The following KIF16B variants were observed in gnomAD, a reference collection of about 807,000 sequenced individuals.
The protein encoded by KIF16B is kinesin-like protein KIF16B.
A neutral mutation model predicts 156.3 loss-of-function variants in KIF16B; 98 were observed. The observed-to-expected ratio is 0.63, with a 90% CI of 0.53 to 0.74. The LOEUF (loss-of-function observed/expected upper bound fraction) is 0.74. KIF16B is among the 30% of genes least tolerant of loss of function. The pLI is 0.00. For missense variants in KIF16B, 1,421 were observed against 1,606.5 expected (o/e 0.88, Z 1.97); for synonymous variants, 564 against 583.7 (o/e 0.97, Z 0.49).
intron 25 of KIF16B, among the ~76,000 whole-genome samples, chr20:16,289,874 A>G (rs547877178): frequency 6.6e-6 from 1 of 152,214 alleles, no homozygotes; most frequent in African/African-American, 2.4e-5. Flanking sequence ...GTGTTAAAAC[A>G]AAGAAGAGTA....
chr20:16,505,825 A>C lies in KIF16B; in HGVS notation c.897T>G (p.Thr299=), dbSNP rs1187307640. 6.2e-7 allele frequency: 1 copy of C among 1,613,878 alleles called. No individual in the cohort carries two copies. Among genetic ancestry groups the C allele is most frequent in the East Asian group, 2.2e-5 (1 of 44,876 alleles). ...CGAAAACTTGCTTCTTCTTTGCAAG[A>C]GTATTTGCAGCATCCTGAGATAAAT... ...LADLSQDAAN[T]LAKKKQVFVP... The change falls in exon 9 of 26, where the codon ACT becomes ACG. Residue 299 remains threonine (T), a synonymous_variant. Transcript: ENST00000354981.
intron 17 of KIF16B, among the ~76,000 whole-genome samples, chr20:16,384,438 C>G (rs1600257217): frequency 2.0e-5 from 3 of 152,216 alleles, no homozygotes; most frequent in Middle Eastern, 3.4e-3. Flanking sequence ...TCAAGGAAAG[C>G]TAATAAAATC....
rs1487874143 is a variant in KIF16B, at chr20:16,505,862, AG to A, written c.869-10del. Reference sequence around the variant, plus strand: ...ATCCTGAGATAAATCAGCTATGAAAAGGAAGAAACAAAGGGGAGAAAGGACA... The same window carrying A: ...ATCCTGAGATAAATCAGCTATGAAAAGAAGAAACAAAGGGGAGAAAGGACA... On this transcript the variant is annotated splice_polypyrimidine_tract_variant and intron_variant, in intron 8 of 25. Coordinates refer to ENST00000354981, the MANE Select transcript of KIF16B (RefSeq NM_024704.5). 4 of 1,613,366 alleles carry A rather than the reference AG, an allele frequency of 2.5e-6. No individual in the cohort carries two copies. Among genetic ancestry groups the A allele is most frequent in the Non-Finnish European group, 3.4e-6 (4 of 1,179,774 alleles).
At position 16,368,649 on chromosome 20, in the gene KIF16B, G is replaced by A. The variant is rs568196417; in HGVS notation, c.3498+1937C>T. The A allele has an allele frequency of 8.3e-5, 82 of 985,928 alleles. No individual in the cohort carries two copies. In the South Asian group the frequency reaches 3.6e-3, roughly 43 times the overall value. 61.1% of individuals were successfully genotyped at this position (985,928 alleles called of 1,614,324 possible). ...TGATATTTACCAGTGACTCCGATGA[G>A]CTCATTTTTTTAGCATCCAACTCTT... On this transcript the variant is annotated intron_variant, in intron 22 of 25. Transcript: ENST00000354981.
chr20:16,368,054 A>AG (rs2064721678), intron 22 of KIF16B: 1 of 1,372,784 alleles, frequency 7.3e-7, no homozygotes, highest in Non-Finnish European at 9.4e-7. Flanking sequence ...GGTGCTGTGC[A>AG]GGCAGCAACA....
chr20:16,525,991 T>C, intron 3 of KIF16B, 101 bp downstream of exon 3: 1 of 639,426 alleles, frequency 1.6e-6, no homozygotes, highest in Non-Finnish European at 2.6e-6. Flanking sequence ...AAAATTACAT[T>C]CAGAAAGAAA....
Position 16,273,178 on chromosome 20 carries a change from G to C in KIF16B, c.*75C>G. 7.7e-7 allele frequency: 1 copy of C among 1,306,068 alleles called. No homozygotes were observed. Among genetic ancestry groups the C allele is most frequent in the Non-Finnish European group, 1.1e-6 (1 of 911,070 alleles). The allele number at this position is 1,306,068 out of a possible 1,614,324, so 80.9% of individuals were successfully genotyped here. On this transcript the variant is annotated 3_prime_UTR_variant, in exon 26 of 26. Transcript: ENST00000354981. ...AGGAGGCAGACCCGGATCCTCGCATGGGGGAGCTGCCCTGCATCGGAGCCC... is the reference window on the plus strand; with the variant it reads ...AGGAGGCAGACCCGGATCCTCGCATCGGGGAGCTGCCCTGCATCGGAGCCC...
At chr20:16,524,149 G>A (rs958624271) in intron 3 of KIF16B, among the ~76,000 whole-genome samples, 1 of 152,096 alleles carries the variant, frequency 6.6e-6, no homozygotes, top group Non-Finnish European at 1.5e-5. Context: ...AAAAGCAATG[G>A]CAACAAAAGC....
rs568634656 is a variant in KIF16B, at chr20:16,434,254, G to T, written c.1303-4272C>A. Among the ~76,000 whole-genome samples the T allele has an allele frequency of 2.0e-5, 3 of 152,264 alleles. No homozygotes were observed. The South Asian group carries it at 6.2e-4, about 32-fold the overall frequency. ...CTGGGACTCTCACAGACTCACTTCTGCCCCTTCCGGTGGCTCTGGTGATTG... is the reference window on the plus strand; with the variant it reads ...CTGGGACTCTCACAGACTCACTTCTTCCCCTTCCGGTGGCTCTGGTGATTG... On this transcript the variant is annotated intron_variant, in intron 12 of 25. Transcript: ENST00000354981.
intron 1 of KIF16B, among the ~76,000 whole-genome samples, chr20:16,535,930 G>C (rs2069942834): frequency 6.6e-6 from 1 of 152,240 alleles, no homozygotes; most frequent in South Asian, 2.1e-4. Context: ...ACAGAATGGA[G>C]ATTTCTTTAA....
chr20:16,306,012 C>T (rs1307565154), intron 25 of KIF16B, among the ~76,000 whole-genome samples: 3 of 152,176 alleles, frequency 2.0e-5, no homozygotes, highest in Admixed American at 2.0e-4. Flanking sequence ...TTAATACACT[C>T]AATCAGAGAA....
At position 16,370,673 on chromosome 20, in the gene KIF16B, T is replaced by C. The variant is rs762322410; in HGVS notation, c.3448-37A>G. ...AGAAAAAGCCCTCTATATTAAATTATAGCAAGTTCACGGGGCGGGGGACTG... is the reference window on the plus strand; with the variant it reads ...AGAAAAAGCCCTCTATATTAAATTACAGCAAGTTCACGGGGCGGGGGACTG... On this transcript the variant is annotated intron_variant, in intron 21 of 25. Transcript: ENST00000354981. 3.9e-6 allele frequency: 6 copies of C among 1,525,304 alleles called. No homozygotes were observed. In the East Asian group the frequency reaches 7.0e-5, roughly 18 times the overall value. The allele number at this position is 1,525,304 out of a possible 1,614,324, so 94.5% of individuals were successfully genotyped here.
chr20:16,394,268 A>G (rs1408489027), intron 17 of KIF16B, among the ~76,000 whole-genome samples: 1 of 152,210 alleles, frequency 6.6e-6, no homozygotes, highest in Non-Finnish European at 1.5e-5. Flanking sequence ...TGAATTTAAG[A>G]GCTCATCTCC....
At chr20:16,375,474 G>T (rs2064925057) in intron 19 of KIF16B, among the ~76,000 whole-genome samples, 1 of 152,108 alleles carries the variant, frequency 6.6e-6, no homozygotes, top group African/African-American at 2.4e-5. Context: ...GGTCATGAGG[G>T]TAAGCACTCA....
chr20:16,573,341 T>C lies in KIF16B; in HGVS notation c.-66A>G, dbSNP rs2071528264. ...AGAACTCCGCGGTCGCCGGCGACGC[T>C]GGCTACTCAGATCGCGGCTCCCGCC... On this transcript the variant is annotated 5_prime_UTR_variant, in exon 1 of 26. Transcript: ENST00000354981. The C allele has an allele frequency of 1.9e-6, 3 of 1,551,592 alleles. No individual in the cohort carries two copies. The highest frequency in any genetic ancestry group is 2.3e-5 in the East Asian group (1 of 43,548).
chr20:16,352,173 A>G (rs1460026260), intron 23 of KIF16B, among the ~76,000 whole-genome samples: 1 of 152,224 alleles, frequency 6.6e-6, no homozygotes, highest in Non-Finnish European at 1.5e-5. Context: ...CAAAGTTCCA[A>G]GTCCTGACCA....
At chr20:16,296,508 GCTA>G (rs769449104) in intron 25 of KIF16B, among the ~76,000 whole-genome samples, 6 of 152,180 alleles carry the variant, frequency 3.9e-5, no homozygotes, top group Non-Finnish European at 5.9e-5. Context: ...GTCGTTCTGT[GCTA>G]CTTTCTTCTG....
chr20:16,404,688 G>A lies in KIF16B; in HGVS notation c.1784+125C>T, dbSNP rs76419180. ...GCTGGAAAGGAACTCGGAAAATGACGGTGGCTGATTTGATAAGGAGGCGCC... is the reference window on the plus strand; with the variant it reads ...GCTGGAAAGGAACTCGGAAAATGACAGTGGCTGATTTGATAAGGAGGCGCC... On this transcript the variant is annotated intron_variant, in intron 17 of 25. Transcript: ENST00000354981. 2.1e-3 allele frequency: 1,413 copies of A among 666,430 alleles called. 23 individuals carry two copies. In the African/African-American group the frequency reaches 0.023, roughly 11 times the overall value. The allele number at this position is 666,430 out of a possible 1,614,324, so 41.3% of individuals were successfully genotyped here.
intron 25 of KIF16B, among the ~76,000 whole-genome samples, chr20:16,295,258 G>C (rs1002243447): frequency 6.6e-6 from 1 of 152,166 alleles, no homozygotes; most frequent in East Asian, 1.9e-4. Context: ...GGCCACGGTG[G>C]CTGCTGGCCT....
Sources: allele counts gnomAD v4.1 joint callset (sites outside exome capture counted in the v4.1 genomes callset), GRCh38; gene constraint gnomAD v4.1.1; transcripts MANE v1.5; gene names NCBI Gene and HGNC (gene_info 2026-07-23, HGNC 2026-07-21).